PAGE2B: variants seen among roughly 807,000 people sequenced by gnomAD.
The protein encoded by PAGE2B is PAGE family member 2B.
In PAGE2B, 5 loss-of-function variants were observed where a neutral mutation model predicts 7.6. The ratio of observed to expected loss-of-function variants is 0.66; its 90% CI spans 0.34 to 1.38. PAGE2B has a LOEUF of 1.38. Ranked by LOEUF, PAGE2B falls within the 40% of genes most tolerant of loss-of-function variation. The probability of loss-of-function intolerance (pLI) is 0.04; values close to 1 mark genes in which losing one functional copy is unlikely to be tolerated. For synonymous variants in PAGE2B, 29 were observed against 26.7 expected (o/e 1.09, Z -0.27); for missense variants, 70 against 78.4 (o/e 0.89, Z 0.41).
At chrX:55,054,477 G>GA in the PAGE2B span, among the ~76,000 whole-genome samples, 5 of 112,009 alleles carry the variant, frequency 4.5e-5, no homozygotes, top group African/African-American at 6.5e-5. Context: ...TTGGCATTGG[G>GA]AAAAAATAAA....
chrX:55,038,422 G>A, the PAGE2B span, among the ~76,000 whole-genome samples: 17 of 111,999 alleles, frequency 1.5e-4, no homozygotes, highest in African/African-American at 3.6e-4. Context: ...GAATATGTTC[G>A]TTATATTTAC....
chrX:55,042,843 A>C, the PAGE2B span, among the ~76,000 whole-genome samples: 1 of 109,364 alleles, frequency 9.1e-6, no homozygotes, highest in East Asian at 2.8e-4. Context: ...ACTAGAAAAA[A>C]CAATCCTAAA....
chrX:55,029,145 C>T, the PAGE2B span, among the ~76,000 whole-genome samples: 25 of 111,614 alleles, frequency 2.2e-4, no homozygotes, highest in African/African-American at 6.8e-4. Context: ...AAAAAATGAA[C>T]GTACAGCCAA....
the PAGE2B span, among the ~76,000 whole-genome samples, chrX:55,051,242 T>C: frequency 3.6e-4 from 40 of 111,154 alleles, no homozygotes; most frequent in Non-Finnish European, 6.6e-4. Context: ...GCCCTTAACA[T>C]TTTTTCCTTC....
At chrX:55,068,696 T>C in the PAGE2B span, among the ~76,000 whole-genome samples, 7 of 111,990 alleles carry the variant, frequency 6.3e-5, no homozygotes, top group African/African-American at 2.3e-4. Context: ...CATTTGTTTG[T>C]GTCCTCTCTT....
chrX:55,040,304 C>T, the PAGE2B span, among the ~76,000 whole-genome samples: 1 of 108,832 alleles, frequency 9.2e-6, no homozygotes, highest in Admixed American at 9.9e-5. Context: ...CCCCACCCCA[C>T]GACAGGCCCC....
the PAGE2B span, among the ~76,000 whole-genome samples, chrX:55,039,853 C>A: frequency 8.9e-6 from 1 of 112,019 alleles, no homozygotes; most frequent in Non-Finnish European, 1.9e-5. Flanking sequence ...TTGTTCTTTT[C>A]AATAGCTTCT....
At chrX:55,076,806 T>C in intron 3 of PAGE2B, 129 bp downstream of exon 3, 3 of 612,003 alleles carry the variant, frequency 4.9e-6, no homozygotes, top group East Asian at 7.3e-5. Flanking sequence ...CTACTGCTGC[T>C]GTGTGGAGGG....
chrX:55,064,528 T>G, the PAGE2B span, among the ~76,000 whole-genome samples: 2 of 111,758 alleles, frequency 1.8e-5, no homozygotes, highest in Non-Finnish European at 3.8e-5. Flanking sequence ...TTGTATATTT[T>G]CTTCATTTTA....
At chrX:55,032,623 C>G in the PAGE2B span, among the ~76,000 whole-genome samples, 2 of 111,469 alleles carry the variant, frequency 1.8e-5, no homozygotes, top group African/African-American at 6.5e-5. Context: ...AGAACCTACC[C>G]TATTGGATTA....
At chrX:55,069,757 TG>T in the PAGE2B span, among the ~76,000 whole-genome samples, 1 of 111,663 alleles carries the variant, frequency 9.0e-6, no homozygotes, top group African/African-American at 3.3e-5. Flanking sequence ...TACCTCTTCC[TG>T]GTTTAGTCTT....
the PAGE2B span, among the ~76,000 whole-genome samples, chrX:55,040,868 G>A: frequency 9.0e-6 from 1 of 110,851 alleles, no homozygotes; most frequent in Non-Finnish European, 1.9e-5. Context: ...ATGCTGTAAG[G>A]TTTGCTTGCG....
Position 55,076,577 on chromosome X carries a change from G to A in PAGE2B, c.93G>A (p.Glu31=). The change falls in exon 3 of 5, where the codon GAG becomes GAA. Residue 31 remains glutamate, a synonymous_variant. Transcript: ENST00000374971. ...SQPVGSVIVQ[E]PTEEKRQEEE... ...CACACTTACACCCTTAGGTCCAGGAGCCCACTGAGGAAAAACGTCAAGAAG... is the reference window on the plus strand; with the variant it reads ...CACACTTACACCCTTAGGTCCAGGAACCCACTGAGGAAAAACGTCAAGAAG... 1 of 1,202,516 alleles carries A rather than the reference G, an allele frequency of 8.3e-7. No homozygotes were observed.
the PAGE2B span, among the ~76,000 whole-genome samples, chrX:55,048,276 T>G: frequency 2.7e-5 from 3 of 111,968 alleles, no homozygotes; most frequent in African/African-American, 9.8e-5. Context: ...TAGGATTGAC[T>G]TGGTGATGCG....
At chrX:55,040,677 T>A in the PAGE2B span, among the ~76,000 whole-genome samples, 5 of 111,258 alleles carry the variant, frequency 4.5e-5, no homozygotes. Context: ...GAAGTTACTG[T>A]TTAAGGATAC....
the PAGE2B span, among the ~76,000 whole-genome samples, chrX:55,056,400 C>T: frequency 9.0e-6 from 1 of 110,899 alleles, no homozygotes; most frequent in Non-Finnish European, 1.9e-5. Flanking sequence ...CCTTGAACTT[C>T]GTAGCAACCA....
rs747608365 is a variant in PAGE2B at position 55,076,650 on chromosome X, G to T, written c.166G>T (p.Glu56Ter). The change falls in exon 3 of 5, where the codon GAA becomes TAA. Residue 56 changes from glutamate (E) to a stop codon, truncating the protein, a stop_gained. Coordinates refer to ENST00000374971, the MANE Select transcript of PAGE2B (RefSeq NM_001015038.3). LOFTEE classifies it high-confidence loss of function. The stretch of plus-strand genomic sequence containing the variant: ...GGGTATTGCACCTAGTGGGGAGATC[G>T]AAAATGAAGGAGCACCTGCCGTTCA... ...NQGIAPSGEI[E>*]NEGAPAVQGP... The T allele has an allele frequency of 1.7e-6, 2 of 1,206,865 alleles. No homozygotes were observed. The highest frequency in any genetic ancestry group is 4.4e-5 in the Admixed American group (2 of 45,443).
At chrX:55,035,968 T>G in the PAGE2B span, among the ~76,000 whole-genome samples, 3 of 111,798 alleles carry the variant, frequency 2.7e-5, no homozygotes, top group African/African-American at 9.8e-5. Context: ...TATCCTCTTT[T>G]ATTTCCTTGA....
the PAGE2B span, among the ~76,000 whole-genome samples, chrX:55,052,331 A>G: frequency 8.9e-6 from 1 of 112,305 alleles, no homozygotes; most frequent in Admixed American, 9.3e-5. Flanking sequence ...TACTCTCTTC[A>G]AAGCTGTCTG....
Sources: allele counts gnomAD v4.1 joint callset (sites outside exome capture counted in the v4.1 genomes callset), GRCh38; gene constraint gnomAD v4.1.1; transcripts MANE v1.5; gene names NCBI Gene and HGNC (gene_info 2026-07-23, HGNC 2026-07-21).